Variants in ANO2 observed in about 807,000 individuals in gnomAD.
ANO2 encodes anoctamin 2, also known as anoctamin-2.
In ANO2, 101 loss-of-function variants were observed where a neutral mutation model predicts 124.2. That is an observed-to-expected ratio of 0.81 (90% CI 0.69 to 0.96). ANO2 has a LOEUF of 0.96. ANO2 is among the 40% of genes least tolerant of loss of function. The pLI, the probability that ANO2 is intolerant of heterozygous loss-of-function variation, is 0.00. For synonymous variants in ANO2, 486 were observed against 482.5 expected (o/e 1.01, Z -0.09); for missense variants, 1,293 against 1,274.5 (o/e 1.01, Z -0.22).
chr12:5,665,547 G>A (rs1028909581), intron 14 of ANO2, among the ~76,000 whole-genome samples: 16 of 152,244 alleles, frequency 1.1e-4, no homozygotes, highest in African/African-American at 2.9e-4. Context: ...TCCTGTGCTC[G>A]GAGGGATTTT....
chr12:5,647,938 T>C, intron 14 of ANO2, 137 bp from the exon 15 acceptor site: 1 of 674,658 alleles, frequency 1.5e-6, no homozygotes, highest in Non-Finnish European at 2.5e-6. Flanking sequence ...GATGCCTTAC[T>C]CTCCATATCA....
At chr12:5,666,081 C>T (rs2361589) in intron 14 of ANO2, among the ~76,000 whole-genome samples, 100,429 of 151,838 alleles carry the variant, frequency 0.66, 33,970 homozygotes, top group East Asian at 0.96. Flanking sequence ...TAACCAGGGC[C>T]CTCTGGAATC....
chr12:5,619,469 G>A (rs540821149), intron 16 of ANO2, among the ~76,000 whole-genome samples: 2 of 152,298 alleles, frequency 1.3e-5, no homozygotes, highest in South Asian at 4.1e-4. Flanking sequence ...TCCTGGGTGA[G>A]ATAGGGAGGC....
At chr12:5,837,295 T>TTC (rs1371418412) in intron 4 of ANO2, among the ~76,000 whole-genome samples, 3 of 134,866 alleles carry the variant, frequency 2.2e-5, no homozygotes, top group South Asian at 2.5e-4. Flanking sequence ...GCAGATTTCT[T>TTC]TTTTTTTTTT....
Position 5,908,775 on chromosome 12 carries a change from C to G in ANO2, c.534+12265G>C, listed in dbSNP as rs561451388. On this transcript the variant is annotated intron_variant, in intron 3 of 24. Coordinates refer to ENST00000682330, the MANE Select transcript of ANO2 (RefSeq NM_001364791.2). This position sits in a 1 kb window ranked among gnomAD's most constrained non-coding sequence, Gnocchi z 4.7. ...CTAACATCCCCAACAGCTGCTCTTCCTTTTGCTTCCATTGTAACTGTCGCT... is the reference window on the plus strand; with the variant it reads ...CTAACATCCCCAACAGCTGCTCTTCGTTTTGCTTCCATTGTAACTGTCGCT... Among the ~76,000 whole-genome samples the G allele has an allele frequency of 5.3e-5, 8 of 152,354 alleles. No individual in the cohort carries two copies. The highest frequency in any genetic ancestry group is 1.4e-4 in the African/African-American group (6 of 41,576).
chr12:5,588,081 T>G (rs1474251770), intron 20 of ANO2, among the ~76,000 whole-genome samples: 1 of 151,030 alleles, frequency 6.6e-6, no homozygotes, highest in Non-Finnish European at 1.5e-5. Context: ...GGGCCGGGGA[T>G]CACCATGTCA....
chr12:5,644,142 G>A (rs1380633774), intron 15 of ANO2, among the ~76,000 whole-genome samples: 1 of 152,070 alleles, frequency 6.6e-6, no homozygotes, highest in South Asian at 2.1e-4. Flanking sequence ...TTAAAAACTC[G>A]ATTGTTTTGC....
rs1169864671 is a variant in ANO2, at chr12:5,945,250, G to A, written c.-33C>T. 66 of 1,284,230 alleles carry A rather than the reference G, an allele frequency of 5.1e-5. No homozygotes were observed. The highest frequency in any genetic ancestry group is 6.7e-5 in the Non-Finnish European group (66 of 985,962). The allele number at this position is 1,284,230 out of a possible 1,614,324, so 79.6% of individuals were successfully genotyped here. A position where few individuals can be genotyped will look rare whatever the true frequency, so the allele number is the denominator to read the frequency against. ...ACGCAGACCCCGCCGGCCCGCGGCC[G>A]CGCGCTTCTGGGCAGGCTTATGCCG... is the stretch of plus-strand genomic sequence containing the variant. On this transcript the variant is annotated 5_prime_UTR_variant, in exon 1 of 25. Coordinates refer to ENST00000682330, the MANE Select transcript of ANO2 (RefSeq NM_001364791.2).
intron 22 of ANO2, among the ~76,000 whole-genome samples, chr12:5,577,235 C>G (rs34195407): frequency 2.7e-4 from 41 of 152,222 alleles, no homozygotes; most frequent in Non-Finnish European, 5.3e-4. Flanking sequence ...TTTATGTGAT[C>G]TGGGTAGGAA....
intron 3 of ANO2, among the ~76,000 whole-genome samples, chr12:5,912,261 G>A (rs1004911311): frequency 4.6e-5 from 7 of 152,156 alleles, no homozygotes; most frequent in African/African-American, 1.2e-4. Context: ...CTGTGGCTGG[G>A]TGAGTGCCAC....
chr12:5,798,589 A>G (rs868690920), intron 10 of ANO2, among the ~76,000 whole-genome samples: 2 of 152,296 alleles, frequency 1.3e-5, no homozygotes, highest in Admixed American at 6.5e-5. Context: ...TGAGTCCACC[A>G]TGTCCACCAT....
chr12:5,857,645 T>C (rs979389695), intron 3 of ANO2, among the ~76,000 whole-genome samples: 4 of 152,226 alleles, frequency 2.6e-5, no homozygotes, highest in Non-Finnish European at 5.9e-5. Context: ...TTTTTTCATA[T>C]ACCTGTTGTC....
intron 20 of ANO2, chr12:5,583,897 T>A (rs1591667853): frequency 4.7e-6 from 1 of 212,220 alleles, no homozygotes; most frequent in East Asian, 1.2e-4. Flanking sequence ...AAGAGCACCA[T>A]GGTCAACCTC....
intron 16 of ANO2, among the ~76,000 whole-genome samples, chr12:5,634,370 C>T (rs145111452): frequency 7.2e-5 from 11 of 152,240 alleles, no homozygotes; most frequent in Non-Finnish European, 8.8e-5. Context: ...ATGCAACCTC[C>T]GTATGAGGTT....
chr12:5,590,556 T>C (rs1943345214), intron 20 of ANO2, among the ~76,000 whole-genome samples: 1 of 152,192 alleles, frequency 6.6e-6, no homozygotes, highest in Admixed American at 6.5e-5. Context: ...CCTGCCTTGT[T>C]TGAAGTCTCG....
intron 3 of ANO2, among the ~76,000 whole-genome samples, chr12:5,899,625 A>AGGGAAACTGAAGATTCTT (rs1202205164): frequency 6.6e-6 from 1 of 152,158 alleles, no homozygotes; most frequent in Admixed American, 6.5e-5. Context: ...TCCTTTCCCT[A>AGGGAAACTGAAGATTCTT]GGGAAACTGA....
intron 14 of ANO2, among the ~76,000 whole-genome samples, chr12:5,682,054 C>T (rs532834636): frequency 6.6e-6 from 1 of 152,268 alleles, no homozygotes; most frequent in East Asian, 1.9e-4. Flanking sequence ...TTCCCTTTAG[C>T]CAAGGAAGAA....
rs536078790 is a variant in ANO2 at position 5,568,829 on chromosome 12, T to G, written c.2622-3166A>C. 2.6e-3 allele frequency among the ~76,000 whole-genome samples: 390 copies of G among 152,318 alleles called. 1 individual carries two copies. The highest frequency in any genetic ancestry group is 9.1e-3 in the African/African-American group (377 of 41,574). On this transcript the variant is annotated intron_variant, in intron 23 of 24. Coordinates refer to ENST00000682330, the MANE Select transcript of ANO2 (RefSeq NM_001364791.2). The stretch of plus-strand genomic sequence containing the variant: ...TCCAGCACTGTCGTTCTCTGTCCTC[T>G]TGCAAGTTACCTAACCTTCTGATGC...
intron 14 of ANO2, among the ~76,000 whole-genome samples, chr12:5,706,154 C>A (rs1949600842): frequency 1.3e-5 from 2 of 152,220 alleles, no homozygotes. Context: ...CTTCACAAAG[C>A]AATTTCATGC....
Sources: allele counts gnomAD v4.1 joint callset (sites outside exome capture counted in the v4.1 genomes callset), GRCh38; gene constraint gnomAD v4.1.1; non-coding constraint Gnocchi (gnomAD v3.1); transcripts MANE v1.5; gene names NCBI Gene and HGNC (gene_info 2026-07-23, HGNC 2026-07-21).